The following PRKCH variants were observed in gnomAD, a reference collection of about 807,000 sequenced individuals.
The protein encoded by PRKCH is protein kinase C eta.
A neutral mutation model predicts 82.5 loss-of-function variants in PRKCH; 28 were observed. The ratio of observed to expected loss-of-function variants is 0.34; its 90% CI spans 0.25 to 0.47. The LOEUF is 0.47. Ranked by LOEUF, PRKCH falls within the 20% of genes least tolerant of loss-of-function variation. PRKCH has a pLI of 1.00. For missense variants in PRKCH, 705 were observed against 881.8 expected (o/e 0.80, Z 2.54); for synonymous variants, 322 against 327.4 (o/e 0.98, Z 0.18).
intron 1 of PRKCH, among the ~76,000 whole-genome samples, chr14:61,291,913 A>G (rs942957049): frequency 5.9e-5 from 9 of 152,196 alleles, no homozygotes; most frequent in Admixed American, 4.6e-4. Context: ...GGAAAGGTCA[A>G]TAAAAACTGC....
At chr14:61,430,035 C>G (rs1304742308) in intron 2 of PRKCH, among the ~76,000 whole-genome samples, 2 of 152,112 alleles carry the variant, frequency 1.3e-5, no homozygotes, top group African/African-American at 2.4e-5. Context: ...AGGTAAATTC[C>G]ATGGAATCAA....
rs1401114137 is a variant in PRKCH, at chr14:61,382,452, C to A, written c.364-8773C>A. Among the ~76,000 whole-genome samples, 45 of 150,320 alleles carry A rather than the reference C, an allele frequency of 3.0e-4. No homozygotes were observed. In the East Asian group the frequency reaches 6.8e-3, roughly 23 times the overall value. ...CTCAAAACAAAAAAACAAAAACAAACAAAAAAAAACAAGAAAAACCAATAC... is the reference window on the plus strand; with the variant it reads ...CTCAAAACAAAAAAACAAAAACAAAAAAAAAAAAACAAGAAAAACCAATAC... On this transcript the variant is annotated intron_variant, in intron 1 of 13. Transcript: ENST00000332981.
intron 1 of PRKCH, among the ~76,000 whole-genome samples, chr14:61,273,647 A>G (rs1413019954): frequency 2.0e-5 from 3 of 152,176 alleles, no homozygotes; most frequent in African/African-American, 7.2e-5. Context: ...ATGGAGGAAA[A>G]CCTGATTGTA....
chr14:61,498,462 G>A (rs536334068), intron 10 of PRKCH, among the ~76,000 whole-genome samples: 20 of 152,276 alleles, frequency 1.3e-4, no homozygotes, highest in African/African-American at 4.8e-4. Flanking sequence ...CAGTTCTACA[G>A]AAGTCACAAA....
intron 1 of PRKCH, among the ~76,000 whole-genome samples, chr14:61,342,594 C>G (rs1006038126): frequency 4.6e-5 from 7 of 152,324 alleles, no homozygotes; most frequent in African/African-American, 1.7e-4. Context: ...GACCCATTTC[C>G]ACCAGCGGGT....
intron 1 of PRKCH, among the ~76,000 whole-genome samples, chr14:61,247,881 A>G (rs1439725355): frequency 1.3e-5 from 2 of 152,112 alleles, no homozygotes; most frequent in African/African-American, 4.8e-5. Context: ...AACAGTAGAG[A>G]TCATCTGGAA....
intron 1 of PRKCH, among the ~76,000 whole-genome samples, chr14:61,337,067 C>CAA (rs3028726): frequency 1.1e-3 from 62 of 55,028 alleles, no homozygotes; most frequent in Middle Eastern, 0.02. Flanking sequence ...CAGTCTGTCT[C>CAA]AAAAAAAAAA....
chr14:61,319,037 C>T (rs2045586395), upstream of PRKCH, among the ~76,000 whole-genome samples: 1 of 152,182 alleles, frequency 6.6e-6, no homozygotes, highest in African/African-American at 2.4e-5. Flanking sequence ...TACCCTGGCT[C>T]TGCTTAACAG....
chr14:61,292,898 T>C (rs147200450), intron 1 of PRKCH, among the ~76,000 whole-genome samples: 2 of 151,182 alleles, frequency 1.3e-5, no homozygotes, highest in East Asian at 2.0e-4. Flanking sequence ...CTGGGCAACA[T>C]TGTGAGATCC....
At chr14:61,388,368 C>G (rs556854354) in intron 1 of PRKCH, among the ~76,000 whole-genome samples, 3 of 152,254 alleles carry the variant, frequency 2.0e-5, no homozygotes, top group East Asian at 3.9e-4. Context: ...CGGAAGGAAA[C>G]CTGTTCTACT....
intron 1 of PRKCH, among the ~76,000 whole-genome samples, chr14:61,379,313 A>G (rs2046467208): frequency 6.6e-6 from 1 of 152,194 alleles, no homozygotes; most frequent in African/African-American, 2.4e-5. Context: ...CAGAAGACCA[A>G]GAGGAGTAAA....
At chr14:61,355,796 C>A (rs2046139819) in intron 1 of PRKCH, among the ~76,000 whole-genome samples, 1 of 152,094 alleles carries the variant, frequency 6.6e-6, no homozygotes, top group Admixed American at 6.5e-5. Context: ...TTTTTTGCCA[C>A]TTACACATTC....
intron 2 of PRKCH, among the ~76,000 whole-genome samples, chr14:61,424,398 A>T (rs1883004636): frequency 1.3e-5 from 2 of 152,210 alleles, no homozygotes; most frequent in African/African-American, 2.4e-5. Context: ...CTTTGACCAA[A>T]ATGCTGATAG....
intron 1 of PRKCH, among the ~76,000 whole-genome samples, chr14:61,210,790 C>CTGTGTGTGTGTGTGTGTGTG (rs1014835104): frequency 7.2e-6 from 1 of 138,986 alleles, no homozygotes; most frequent in African/African-American, 2.9e-5. Flanking sequence ...CTCTCTCTCT[C>CTGTGTGTGTGTGTGTGTGTG]TGTGTGTGTG....
At chr14:61,258,623 G>A (rs1226555628) in intron 1 of PRKCH, among the ~76,000 whole-genome samples, 1 of 152,098 alleles carries the variant, frequency 6.6e-6, no homozygotes, top group East Asian at 1.9e-4. Context: ...CACAGACATA[G>A]ATTTTTTATG....
chr14:61,229,036 T>A (rs1044396295), intron 1 of PRKCH, among the ~76,000 whole-genome samples: 11 of 152,086 alleles, frequency 7.2e-5, no homozygotes, highest in African/African-American at 2.4e-4. Context: ...AGGCATATCC[T>A]CAACCCAGAA....
chr14:61,332,003 G>A (rs2045795033), intron 1 of PRKCH, among the ~76,000 whole-genome samples: 1 of 152,196 alleles, frequency 6.6e-6, no homozygotes, highest in Admixed American at 6.5e-5. Flanking sequence ...TGTATTTCTT[G>A]ATTTATGCTA....
chr14:61,530,035 C>T (rs2043025307), intron 11 of PRKCH, among the ~76,000 whole-genome samples: 3 of 152,184 alleles, frequency 2.0e-5, no homozygotes, highest in South Asian at 4.1e-4. Flanking sequence ...TTAATTTCAG[C>T]GTCATTTAGC....
In PRKCH at chr14:61,237,348, A is replaced by G. The variant is rs547600765; in HGVS notation, c.-19+49680A>G. 2.6e-5 allele frequency among the ~76,000 whole-genome samples: 4 copies of G among 152,296 alleles called. No individual in the cohort carries two copies. In the South Asian group the frequency reaches 8.3e-4, roughly 32 times the overall value. On this transcript the variant is annotated intron_variant, in intron 1 of 3. Coordinates refer to the PRKCH transcript ENST00000555185. ...ATTGAAGTATTTTACCCTAAAATAT[A>G]TTTCTTTGACATATTTTGAAATGAC...
Sources: allele counts gnomAD v4.1 joint callset (sites outside exome capture counted in the v4.1 genomes callset), GRCh38; gene constraint gnomAD v4.1.1; transcripts MANE v1.5; gene names NCBI Gene and HGNC (gene_info 2026-07-23, HGNC 2026-07-21).